The following PRLR variants were observed in gnomAD, a reference collection of about 807,000 sequenced individuals.
PRLR encodes the protein hPRL receptor.
A neutral mutation model predicts 40.2 loss-of-function variants in PRLR; 13 were observed. The observed-to-expected ratio is 0.32, with a 90% CI of 0.21 to 0.51. The LOEUF is 0.51. PRLR is among the 20% of genes least tolerant of loss of function. PRLR has a pLI of 0.97. For missense variants in PRLR, 656 were observed against 747.3 expected (o/e 0.88, Z 1.42); for synonymous variants, 269 against 278.7 (o/e 0.97, Z 0.35).
At position 35,095,407 on chromosome 5, in the gene PRLR, C is replaced by T. The variant is rs1300862552; in HGVS notation, c.-43-5744G>A. 2.6e-5 allele frequency among the ~76,000 whole-genome samples: 4 copies of T among 152,182 alleles called. No homozygotes were observed. The East Asian group carries it at 7.7e-4, about 29-fold the overall frequency. On this transcript the variant is annotated intron_variant, in intron 2 of 9. Coordinates refer to ENST00000618457, the MANE Select transcript of PRLR (RefSeq NM_000949.7). ...CCACGCTGGTATTTCAAACACTAGA[C>T]TTACAGCCAGCATAGTTTTCAGTAT... is the stretch of plus-strand genomic sequence containing the variant.
intron 1 of PRLR, among the ~76,000 whole-genome samples, chr5:35,187,596 C>G (rs535801096): frequency 2.4e-4 from 36 of 152,174 alleles, no homozygotes; most frequent in East Asian, 5.8e-4. Context: ...CCTTAGGTTC[C>G]TTATCTACAA....
At chr5:35,222,894 A>G (rs1776459045) in intron 1 of PRLR, among the ~76,000 whole-genome samples, 1 of 152,234 alleles carries the variant, frequency 6.6e-6, no homozygotes, top group Non-Finnish European at 1.5e-5. Context: ...ATGCTTATAA[A>G]ATAGCTACTG....
chr5:35,207,536 T>C (rs942349580), intron 1 of PRLR, among the ~76,000 whole-genome samples: 1 of 152,130 alleles, frequency 6.6e-6, no homozygotes, highest in Non-Finnish European at 1.5e-5. Flanking sequence ...CAATGCTTCT[T>C]GATGGGCTGA....
At chr5:35,097,634 T>C (rs1771613077) in intron 2 of PRLR, among the ~76,000 whole-genome samples, 1 of 151,720 alleles carries the variant, frequency 6.6e-6, no homozygotes, top group Non-Finnish European at 1.5e-5. Context: ...CTTGGGGTCG[T>C]AGATTCTGAG....
chr5:35,054,288 C>T (rs747682355), downstream of PRLR, among the ~76,000 whole-genome samples: 11 of 152,274 alleles, frequency 7.2e-5, no homozygotes, highest in South Asian at 2.1e-4. Flanking sequence ...TTTTACATGA[C>T]CCAACAATTC....
intron 1 of PRLR, among the ~76,000 whole-genome samples, chr5:35,144,123 CAAA>C (rs34642253): frequency 2.7e-4 from 29 of 109,080 alleles, no homozygotes; most frequent in Admixed American, 2.0e-3. Context: ...AACAAGCTTC[CAAA>C]AAAAAAAAAA....
intron 1 of PRLR, among the ~76,000 whole-genome samples, chr5:35,119,384 T>TCACACACACA (rs567644859): frequency 3.3e-4 from 47 of 143,290 alleles, no homozygotes; most frequent in African/African-American, 1.3e-3. Flanking sequence ...TCTCTCTCTC[T>TCACACACACA]CTCACACACA....
chr5:35,086,425 G>A, intron 3 of PRLR, 85 bp from the exon 4 acceptor site: 2 of 1,524,854 alleles, frequency 1.3e-6, no homozygotes, highest in Non-Finnish European at 1.8e-6. Flanking sequence ...ACAGATTGAT[G>A]GACCAAAGCC....
chr5:35,122,706 A>T (rs1166026115), intron 1 of PRLR, among the ~76,000 whole-genome samples: 1 of 152,246 alleles, frequency 6.6e-6, no homozygotes, highest in Non-Finnish European at 1.5e-5. Context: ...ATTTATAGAC[A>T]TGCATGTGGA....
At chr5:35,210,350 T>C (rs1776140350) in intron 1 of PRLR, among the ~76,000 whole-genome samples, 5 of 152,232 alleles carry the variant, frequency 3.3e-5, no homozygotes. Context: ...TGCCTTAGGG[T>C]TTCAGAGATC....
At chr5:35,119,841 G>A (rs1390630891) in intron 1 of PRLR, among the ~76,000 whole-genome samples, 1 of 152,158 alleles carries the variant, frequency 6.6e-6, no homozygotes, top group Admixed American at 6.5e-5. Context: ...GGCTGTGCTG[G>A]GGGTGGGACA....
intron 1 of PRLR, among the ~76,000 whole-genome samples, chr5:35,144,154 A>G (rs2111833900): frequency 6.6e-6 from 1 of 150,824 alleles, no homozygotes; most frequent in South Asian, 2.1e-4. Flanking sequence ...CCAGAACAAC[A>G]GAACAACCAG....
intron 5 of PRLR, among the ~76,000 whole-genome samples, chr5:35,080,745 A>G (rs1770455462): frequency 6.6e-6 from 1 of 152,126 alleles, no homozygotes; most frequent in African/African-American, 2.4e-5. Context: ...ATGCACACAT[A>G]TGTTTATTGC....
chr5:35,182,510 G>A (rs1431800595), intron 1 of PRLR, among the ~76,000 whole-genome samples: 1 of 152,174 alleles, frequency 6.6e-6, no homozygotes, highest in African/African-American at 2.4e-5. Flanking sequence ...TGTATTTACT[G>A]GGAGCATGAA....
chr5:35,147,377 T>C (rs1273962582), intron 1 of PRLR, among the ~76,000 whole-genome samples: 1 of 152,196 alleles, frequency 6.6e-6, no homozygotes, highest in Non-Finnish European at 1.5e-5. Flanking sequence ...TATATTTCCA[T>C]CTCAAGAATT....
chr5:35,107,761 G>A (rs1772364830), intron 2 of PRLR, among the ~76,000 whole-genome samples: 1 of 152,128 alleles, frequency 6.6e-6, no homozygotes, highest in Non-Finnish European at 1.5e-5. Flanking sequence ...AAAAGTCCAG[G>A]AGCAGACGGA....
chr5:35,194,873 C>T (rs1471331832), intron 1 of PRLR, among the ~76,000 whole-genome samples: 1 of 152,086 alleles, frequency 6.6e-6, no homozygotes, highest in African/African-American at 2.4e-5. Flanking sequence ...AACCATACGA[C>T]CCAAAAAGTA....
intron 2 of PRLR, among the ~76,000 whole-genome samples, chr5:35,105,827 C>T (rs944608107): frequency 1.3e-5 from 2 of 152,266 alleles, no homozygotes; most frequent in South Asian, 2.1e-4. Flanking sequence ...GGAGTACTTC[C>T]CCAACCTAGC....
At chr5:35,220,244 C>T (rs1472046279) in intron 1 of PRLR, among the ~76,000 whole-genome samples, 1 of 152,174 alleles carries the variant, frequency 6.6e-6, no homozygotes, top group Non-Finnish European at 1.5e-5. Context: ...TCGGGCCCTC[C>T]TTGCTCTTTT....
Sources: gnomAD v4.1 joint callset for allele counts (sites outside exome capture counted in the v4.1 genomes callset) on GRCh38, gnomAD v4.1.1 for gene constraint, MANE v1.5 for transcripts, NCBI Gene and HGNC (gene_info 2026-07-23, HGNC 2026-07-21) for gene names.